Variants in CHEK1 observed in about 807,000 individuals in gnomAD.
CHEK1 encodes the protein checkpoint kinase 1, also known as serine/threonine-protein kinase Chk1.
A neutral mutation model predicts 60.2 loss-of-function variants in CHEK1; 32 were observed. The observed-to-expected ratio is 0.53, with a 90% CI of 0.40 to 0.71. CHEK1 has a LOEUF of 0.71. Among genes scored for constraint, CHEK1 ranks in the 30% least tolerant of loss-of-function variants. The pLI is 0.00. For synonymous variants in CHEK1, 179 were observed against 187.2 expected (o/e 0.96, Z 0.36); for missense variants, 399 against 564.6 (o/e 0.71, Z 2.97).
intron 13 of CHEK1, among the ~76,000 whole-genome samples, chr11:125,667,373 T>C (rs1484737266): frequency 6.6e-6 from 1 of 152,206 alleles, no homozygotes; most frequent in African/African-American, 2.4e-5. Context: ...TCCTTGTAAA[T>C]GATTCCTCTC....
intron 1 of CHEK1, 97 bp downstream of exon 1, chr11:125,626,109 T>G: frequency 1.5e-6 from 1 of 646,172 alleles, no homozygotes. Flanking sequence ...AAGTTAGCAT[T>G]GACTAGCGCA....
chr11:125,658,685 C>CTTTTTTTTTTTTTTTT (rs67342073), downstream of CHEK1, among the ~76,000 whole-genome samples: 7 of 34,880 alleles, frequency 2.0e-4, 3 homozygotes, highest in African/African-American at 2.2e-4. Context: ...ATGGCTTTTG[C>CTTTTTTTTTTTTTTTT]TTTTTTTTTT....
At chr11:125,629,942 T>C (rs1459975220) in intron 5 of CHEK1, among the ~76,000 whole-genome samples, 1 of 151,928 alleles carries the variant, frequency 6.6e-6, no homozygotes, top group East Asian at 1.9e-4. Context: ...CAGGCTAGTC[T>C]TGAACTCCTG....
intron 11 of CHEK1, among the ~76,000 whole-genome samples, chr11:125,646,096 GA>G (rs34341083): frequency 2.7e-5 from 4 of 149,408 alleles, no homozygotes; most frequent in Non-Finnish European, 4.5e-5. Flanking sequence ...TCACCACGGG[GA>G]AAAAAAAACA....
Position 125,656,663 on chromosome 11 carries a change from C to T in CHEK1, c.*1343C>T, listed in dbSNP as rs1286554540. 1 of 215,716 alleles carries T rather than the reference C, an allele frequency of 4.6e-6. No individual in the cohort carries two copies. The highest frequency in any genetic ancestry group is 9.3e-6 in the Non-Finnish European group (1 of 106,956). The allele number at this position is 215,716 out of a possible 1,614,324, so 13.4% of individuals were successfully genotyped here. A position where few individuals can be genotyped will look rare whatever the true frequency, so the allele number is the denominator to read the frequency against. The stretch of plus-strand genomic sequence containing the variant: ...CACTGACTTGAACCTCTTCTGTAAG[C>T]TCTAACCTTTTACCTGCTTTACATT... On this transcript the variant is annotated 3_prime_UTR_variant, in exon 13 of 13. Coordinates refer to ENST00000438015, the MANE Select transcript of CHEK1 (RefSeq NM_001114122.3).
At chr11:125,647,326 A>G (rs1465265971) in intron 11 of CHEK1, among the ~76,000 whole-genome samples, 1 of 151,718 alleles carries the variant, frequency 6.6e-6, no homozygotes, top group Non-Finnish European at 1.5e-5. Flanking sequence ...CTGGAATCTC[A>G]ATTCTTTTTT....
At chr11:125,633,137 T>G in intron 5 of CHEK1, 26 bp from the exon 6 acceptor site, 1 of 1,545,566 alleles carries the variant, frequency 6.5e-7, no homozygotes, top group Non-Finnish European at 8.6e-7. Context: ...TTTTATTCAG[T>G]GTCATCTTTT....
At chr11:125,643,515 T>G in intron 8 of CHEK1, 1 of 242,928 alleles carries the variant, frequency 4.1e-6, no homozygotes, top group Non-Finnish European at 7.8e-6. Context: ...AAAAAAAGAT[T>G]GTGGTCTGAG....
chr11:125,672,791 G>A, intron 13 of CHEK1: 1 of 1,573,714 alleles, frequency 6.4e-7, no homozygotes, highest in Admixed American at 1.8e-5. Flanking sequence ...GTGATGCTCA[G>A]TGTCTCCATG....
At chr11:125,676,979 G>A (rs993943075), downstream of CHEK1, among the ~76,000 whole-genome samples, 5 of 152,154 alleles carry the variant, frequency 3.3e-5, no homozygotes, top group African/African-American at 1.2e-4. Context: ...GTCACTAACA[G>A]CACTATCTTT....
downstream of CHEK1, chr11:125,657,282 T>TG (rs139922788): frequency 0.068 from 10,509 of 154,426 alleles, 553 homozygotes; most frequent in African/African-American, 0.11. Flanking sequence ...TGTGTGTGTG[T>TG]TTAATGTGTA....
intron 8 of CHEK1, among the ~76,000 whole-genome samples, chr11:125,642,284 T>TA (rs1435809409): frequency 6.6e-6 from 1 of 152,258 alleles, no homozygotes; most frequent in Non-Finnish European, 1.5e-5. Flanking sequence ...CTTGTGGACA[T>TA]ACGCAATCCA....
At position 125,656,318 on chromosome 11, in the gene CHEK1, T is replaced by TCCAG; in HGVS notation, c.*1000_*1003dup. The TCCAG allele has an allele frequency of 4.7e-6, 1 of 211,544 alleles. No individual in the cohort carries two copies. Among genetic ancestry groups the TCCAG allele is most frequent in the African/African-American group, 2.3e-5 (1 of 44,314 alleles). 13.1% of individuals were successfully genotyped at this position (211,544 alleles called of 1,614,324 possible). A position where few individuals can be genotyped will look rare whatever the true frequency, so the allele number is the denominator to read the frequency against. On this transcript the variant is annotated 3_prime_UTR_variant, in exon 13 of 13. Coordinates refer to ENST00000438015, the MANE Select transcript of CHEK1 (RefSeq NM_001114122.3). ...GTGAGCTATGATTGCACCAGTGCACTCCAGCTTGGATGACAGAGTAAGACC... is the reference window on the plus strand; with the variant it reads ...GTGAGCTATGATTGCACCAGTGCACTCCAGCCAGCTTGGATGACAGAGTAAGACC...
intron 11 of CHEK1, among the ~76,000 whole-genome samples, chr11:125,648,882 C>T (rs1350546701): frequency 1.4e-4 from 21 of 151,630 alleles, no homozygotes; most frequent in African/African-American, 4.8e-4. Context: ...ATTTTTTTTC[C>T]CTTTATTAAT....
At chr11:125,644,388 G>C in intron 10 of CHEK1, 120 bp downstream of exon 10, 2 of 1,461,408 alleles carry the variant, frequency 1.4e-6, no homozygotes, top group Non-Finnish European at 1.8e-6. Context: ...TTCTTTTTTG[G>C]TCAAGGAAGA....
intron 5 of CHEK1, among the ~76,000 whole-genome samples, chr11:125,632,051 T>C (rs1940886597): frequency 6.6e-6 from 1 of 152,122 alleles, no homozygotes; most frequent in African/African-American, 2.4e-5. Flanking sequence ...TTCTATCAAT[T>C]TGTGTAAAAG....
At chr11:125,675,133 C>G (rs944738215) in intron 13 of CHEK1, among the ~76,000 whole-genome samples, 32 of 152,314 alleles carry the variant, frequency 2.1e-4, no homozygotes, top group African/African-American at 7.2e-4. Flanking sequence ...TTGGTGCAAC[C>G]TGAACATTAG....
downstream of CHEK1, among the ~76,000 whole-genome samples, chr11:125,660,246 T>C (rs1941987655): frequency 6.6e-6 from 1 of 152,248 alleles, no homozygotes. Flanking sequence ...AATTGTTGGG[T>C]ACAGGCTTCT....
intron 13 of CHEK1, among the ~76,000 whole-genome samples, chr11:125,663,565 C>T (rs1942053059): frequency 6.6e-6 from 1 of 152,160 alleles, no homozygotes; most frequent in African/African-American, 2.4e-5. Flanking sequence ...GGATATTAGA[C>T]CTTCGTTGAA....
Sources: gnomAD v4.1 joint callset for allele counts (sites outside exome capture counted in the v4.1 genomes callset) on GRCh38, gnomAD v4.1.1 for gene constraint, MANE v1.5 for transcripts, NCBI Gene and HGNC (gene_info 2026-07-23, HGNC 2026-07-21) for gene names.